The following BABAM2 variants were observed in gnomAD, a reference collection of about 807,000 sequenced individuals.
BABAM2 encodes the protein BRISC and BRCA1 A complex member 2.
Under a neutral mutation model 54.7 loss-of-function variants are expected in BABAM2, and 31 were observed. That is an observed-to-expected ratio of 0.57 (90% CI 0.43 to 0.77). The LOEUF (loss-of-function observed/expected upper bound fraction) is 0.77. BABAM2 is among the 30% of genes least tolerant of loss of function. The pLI is 0.00. For synonymous variants in BABAM2, 167 were observed against 162.9 expected, an observed-to-expected ratio of 1.03 and a Z score of -0.19; for missense variants, 364 against 455.8, an observed-to-expected ratio of 0.80 and a Z score of 1.83.
chr2:28,014,006 G>A (rs544664974), intron 4 of BABAM2, among the ~76,000 whole-genome samples: 1 of 152,072 alleles, frequency 6.6e-6, no homozygotes, highest in Non-Finnish European at 1.5e-5. Flanking sequence ...TTGATAATTT[G>A]TGGCTAAAGT....
intron 4 of BABAM2, among the ~76,000 whole-genome samples, chr2:27,992,787 C>T (rs1443472061): frequency 6.6e-6 from 1 of 152,144 alleles, no homozygotes; most frequent in African/African-American, 2.4e-5. Context: ...CCCTTTCCAG[C>T]CACAGAGGCA....
At chr2:28,030,478 A>G (rs944381832) in intron 5 of BABAM2, among the ~76,000 whole-genome samples, 4 of 152,200 alleles carry the variant, frequency 2.6e-5, no homozygotes, top group African/African-American at 9.7e-5. Context: ...TAGAAATGGT[A>G]GCTGAGTCTG....
chr2:28,097,733 T>C (rs907408428), intron 6 of BABAM2, among the ~76,000 whole-genome samples: 2 of 152,228 alleles, frequency 1.3e-5, no homozygotes, highest in Non-Finnish European at 2.9e-5. Context: ...TCTTCCACAG[T>C]TGGAGTGAAT....
At chr2:28,203,166 T>C (rs1309541107) in intron 7 of BABAM2, among the ~76,000 whole-genome samples, 1 of 152,234 alleles carries the variant, frequency 6.6e-6, no homozygotes, top group Non-Finnish European at 1.5e-5. Flanking sequence ...CCTCTCCGAA[T>C]ATGTTCGGCC....
At chr2:28,208,387 A>T (rs142405874) in intron 7 of BABAM2, among the ~76,000 whole-genome samples, 1,818 of 152,208 alleles carry the variant, frequency 0.012, 28 homozygotes, top group South Asian at 0.051. Flanking sequence ...GAGACCTTTA[A>T]ATTTTGTATT....
chr2:28,246,624 C>T (rs1489839331), intron 10 of BABAM2, among the ~76,000 whole-genome samples: 2 of 152,346 alleles, frequency 1.3e-5, no homozygotes, highest in East Asian at 3.9e-4. Flanking sequence ...GTTCCTTCAT[C>T]TCCAAGTGAC....
chr2:28,129,468 C>A, intron 7 of BABAM2, 88 bp downstream of exon 7: 1 of 1,137,688 alleles, frequency 8.8e-7, no homozygotes, highest in Non-Finnish European at 1.3e-6. Flanking sequence ...TGAACTCTTA[C>A]ATTTATTTCT....
At chr2:28,336,822 G>A (rs1691511415) in intron 11 of BABAM2, among the ~76,000 whole-genome samples, 1 of 152,252 alleles carries the variant, frequency 6.6e-6, no homozygotes, top group South Asian at 2.1e-4. Flanking sequence ...GATTGCGTGG[G>A]GCTCTTTGCC....
intron 6 of BABAM2, among the ~76,000 whole-genome samples, chr2:28,080,910 G>A (rs922147579): frequency 3.9e-5 from 6 of 152,140 alleles, no homozygotes; most frequent in African/African-American, 1.4e-4. Flanking sequence ...GGAAAGTGTT[G>A]TGGTAATAAT....
At chr2:28,161,742 C>T (rs917925110) in intron 7 of BABAM2, among the ~76,000 whole-genome samples, 2 of 151,946 alleles carry the variant, frequency 1.3e-5, no homozygotes, top group Admixed American at 6.6e-5. Flanking sequence ...TGCTCTTTTG[C>T]GGTCAAAAAG....
At chr2:28,321,321 C>T (rs957949854) in intron 11 of BABAM2, among the ~76,000 whole-genome samples, 7 of 152,148 alleles carry the variant, frequency 4.6e-5, no homozygotes, top group South Asian at 2.1e-4. Flanking sequence ...TTCTCTTACT[C>T]GAAAATCCAT....
chr2:28,121,076 T>G (rs1036420018), intron 6 of BABAM2, among the ~76,000 whole-genome samples: 3 of 152,152 alleles, frequency 2.0e-5, no homozygotes, highest in Non-Finnish European at 4.4e-5. Context: ...TATCAAAATA[T>G]CAAGATAATT....
Position 28,196,325 on chromosome 2 carries a change from T to TC in BABAM2, c.681-40877_681-40876insC, listed in dbSNP as rs1553338851. 9.5e-4 allele frequency among the ~76,000 whole-genome samples: 103 copies of TC among 108,204 alleles called. 8 individuals are homozygous for TC. The highest frequency in any genetic ancestry group is 5.0e-3 in the Middle Eastern group (1 of 200). The allele number at this position is 108,204 out of a possible 152,430, so 71.0% of individuals were successfully genotyped here. On this transcript the variant is annotated intron_variant, in intron 7 of 11. Coordinates refer to ENST00000379624, the MANE Select transcript of BABAM2 (RefSeq NM_199191.3). ...CTGGGCAACAGAGCAAGACTCCATA[T>TC]AAAAAAAAAATGAATTTTTTACAAA...
chr2:28,112,147 T>TTCTTTCTTTCCCTCCCTCCC lies in BABAM2; in HGVS notation c.571-17123_571-17122insCTTTCTTTCCCTCCCTCCCT, dbSNP rs1558346715. On this transcript the variant is annotated intron_variant, in intron 6 of 11. Transcript: ENST00000379624. ...TTTCTTTCTTTCTTTCTTTCTTTCT[T>TTCTTTCTTTCCCTCCCTCCC]TACCTCCCTCCCTCCCTCCCTCCCT... 2.1e-3 allele frequency among the ~76,000 whole-genome samples: 11 copies of TTCTTTCTTTCCCTCCCTCCC among 5,248 alleles called. 2 individuals carry two copies. Among genetic ancestry groups the TTCTTTCTTTCCCTCCCTCCC allele is most frequent in the African/African-American group, 3.9e-3 (4 of 1,030 alleles). 3.4% of individuals were successfully genotyped at this position (5,248 alleles called of 152,430 possible). A position where few individuals can be genotyped will look rare whatever the true frequency, so the allele number is the denominator to read the frequency against.
chr2:28,068,151 A>G (rs1663785543), intron 6 of BABAM2, among the ~76,000 whole-genome samples: 2 of 152,316 alleles, frequency 1.3e-5, no homozygotes, highest in African/African-American at 4.8e-5. Flanking sequence ...ATTTTTATTC[A>G]GTACATATAT....
intron 2 of BABAM2, among the ~76,000 whole-genome samples, chr2:27,911,439 G>C (rs369018855): frequency 1.7e-4 from 26 of 152,022 alleles, no homozygotes; most frequent in African/African-American, 5.1e-4. Flanking sequence ...GAAAGGGGTG[G>C]ATTTGAAGGG....
chr2:28,139,245 G>A (rs1670818272), intron 7 of BABAM2, among the ~76,000 whole-genome samples: 1 of 148,280 alleles, frequency 6.7e-6, no homozygotes, highest in African/African-American at 2.5e-5. Context: ...TCGCTTGAAC[G>A]GAGAGGTGGA....
intron 8 of BABAM2, among the ~76,000 whole-genome samples, chr2:28,238,333 A>G (rs1259959053): frequency 3.3e-5 from 5 of 152,222 alleles, no homozygotes; most frequent in Admixed American, 3.3e-4. Context: ...TGATGCACAA[A>G]CAATGCTGAC....
intron 7 of BABAM2, among the ~76,000 whole-genome samples, chr2:28,219,719 T>C (rs1457322227): frequency 6.6e-6 from 1 of 151,688 alleles, no homozygotes; most frequent in Non-Finnish European, 1.5e-5. Context: ...AATTGCTTTA[T>C]GTTTAGTTAA....
Sources: allele counts gnomAD v4.1 joint callset (sites outside exome capture counted in the v4.1 genomes callset), GRCh38; gene constraint gnomAD v4.1.1; transcripts MANE v1.5; gene names NCBI Gene and HGNC (gene_info 2026-07-23, HGNC 2026-07-21).